PDE6H: variants seen among roughly 807,000 people sequenced by gnomAD.
PDE6H encodes phosphodiesterase 6H.
A neutral mutation model predicts 9.2 loss-of-function variants in PDE6H; 11 were observed. The observed-to-expected ratio is 1.19, with a 90% confidence interval of 0.75 to 1.97. PDE6H has a LOEUF of 1.97. Ranked by LOEUF, PDE6H falls within the 30% of genes most tolerant of loss-of-function variation. The pLI is 0.00. For synonymous variants in PDE6H, 36 were observed against 33.6 expected, an observed-to-expected ratio of 1.07 and a Z score of -0.25; for missense variants, 98 against 101.5, an observed-to-expected ratio of 0.97 and a Z score of 0.15.
chr12:14,976,004 T>G (rs938487105), intron 1 of PDE6H, among the ~76,000 whole-genome samples: 3 of 151,980 alleles, frequency 2.0e-5, no homozygotes, highest in Non-Finnish European at 4.4e-5. Flanking sequence ...GTATTTTTAG[T>G]AGAGATGGGG....
chr12:14,975,744 C>T (rs564623415), intron 1 of PDE6H, among the ~76,000 whole-genome samples: 7 of 151,960 alleles, frequency 4.6e-5, no homozygotes, highest in African/African-American at 1.7e-4. Context: ...CTTCTCTGTG[C>T]TCTGATGGAG....
chr12:14,979,529 C>T (rs1360437545), intron 3 of PDE6H, among the ~76,000 whole-genome samples: 2 of 152,068 alleles, frequency 1.3e-5, no homozygotes, highest in Admixed American at 6.5e-5. Flanking sequence ...ATTCATCTCC[C>T]CAAACTTCAT....
chr12:14,977,923 GT>G, intron 1 of PDE6H, 48 bp from the exon 2 acceptor site: 1 of 1,266,284 alleles, frequency 7.9e-7, no homozygotes, highest in Non-Finnish European at 1.1e-6. Context: ...ATAACCAATG[GT>G]CCCCATGACT....
At chr12:14,975,005 A>T (rs1338507940) in intron 1 of PDE6H, among the ~76,000 whole-genome samples, 2 of 152,216 alleles carry the variant, frequency 1.3e-5, no homozygotes, top group Non-Finnish European at 1.5e-5. Context: ...GATTCATTTT[A>T]TAGATGGAAT....
intron 1 of PDE6H, among the ~76,000 whole-genome samples, chr12:14,973,744 C>T (rs1864552084): frequency 6.6e-6 from 1 of 152,186 alleles, no homozygotes; most frequent in South Asian, 2.1e-4. Context: ...TTCCCAGCTC[C>T]TTCCTGCCTC....
At chr12:14,979,131 T>C (rs764672046) in intron 2 of PDE6H, 48 bp from the exon 3 acceptor site, 6 of 1,342,696 alleles carry the variant, frequency 4.5e-6, no homozygotes, top group Non-Finnish European at 6.4e-6. Flanking sequence ...GACTCCAAAA[T>C]TCTTTTGCTC....
At chr12:14,975,115 C>T (rs1864572188) in intron 1 of PDE6H, among the ~76,000 whole-genome samples, 1 of 152,162 alleles carries the variant, frequency 6.6e-6, no homozygotes, top group South Asian at 2.1e-4. Flanking sequence ...AGAGTGTACT[C>T]TCTACCGTGT....
At chr12:14,977,854 C>T (rs1218143685) in intron 1 of PDE6H, 118 bp from the exon 2 acceptor site, 3 of 687,128 alleles carry the variant, frequency 4.4e-6, no homozygotes, top group Middle Eastern at 4.1e-4. Context: ...TGTGTCAACA[C>T]AAAATACTGA....
rs933666203 is a variant in PDE6H at position 14,976,959 on chromosome 12, A to G, written c.-41-1013A>G. Among the ~76,000 whole-genome samples, 3 of 152,262 alleles carry G rather than the reference A, an allele frequency of 2.0e-5. No individual in the cohort carries two copies. The East Asian group carries it at 5.8e-4, about 29-fold the overall frequency. ...TTGCTTAAATTTATCTTTTTCAATA[A>G]TTTTCTTTGATTTGTATTTGAAGAA... On this transcript the variant is annotated intron_variant, in intron 1 of 3. Coordinates refer to ENST00000266395, the MANE Select transcript of PDE6H (RefSeq NM_006205.3).
In PDE6H at chr12:14,981,399, G is replaced by GATATCACA; in HGVS notation, c.176_183dup (p.Val62IlefsTer4). 1.2e-6 allele frequency: 2 copies of GATATCACA among 1,604,428 alleles called. No homozygotes were observed. The highest frequency in any genetic ancestry group is 2.7e-5 in the African/African-American group (2 of 74,872). On this transcript the variant is annotated frameshift_variant and splice_region_variant. Coordinates refer to ENST00000266395, the MANE Select transcript of PDE6H (RefSeq NM_006205.3). LOFTEE classifies it high-confidence loss of function. Reference sequence around the variant, plus strand: ...ACGTGCTCTTCTTCCATCTCTTGCAGATATCACAGTGATTTGTCCATGGGA... The same window carrying GATATCACA: ...ACGTGCTCTTCTTCCATCTCTTGCAGATATCACAATATCACAGTGATTTGTCCATGGGA...
chr12:14,975,097 G>T (rs1354132120), intron 1 of PDE6H, among the ~76,000 whole-genome samples: 1 of 152,148 alleles, frequency 6.6e-6, no homozygotes, highest in Non-Finnish European at 1.5e-5. Context: ...ATATCAGTTT[G>T]ATTCTAAAGA....
chr12:14,978,302 G>A (rs1263599933), intron 2 of PDE6H, among the ~76,000 whole-genome samples, 156 bp downstream of exon 2: 4 of 152,158 alleles, frequency 2.6e-5, no homozygotes, highest in Non-Finnish European at 5.9e-5. Context: ...TTGATGAATT[G>A]TGTCTTTATC....
intron 3 of PDE6H, among the ~76,000 whole-genome samples, chr12:14,980,935 G>A (rs901409884): frequency 1.3e-5 from 2 of 152,232 alleles, no homozygotes; most frequent in East Asian, 1.9e-4. Flanking sequence ...TTGGATATAG[G>A]CAATTCAAAA....
intron 1 of PDE6H, among the ~76,000 whole-genome samples, chr12:14,974,661 G>A (rs1864565986): frequency 6.6e-6 from 1 of 152,250 alleles, no homozygotes; most frequent in Non-Finnish European, 1.5e-5. Flanking sequence ...TGCTGTTGGG[G>A]TGTCAAAGGA....
chr12:14,974,897 G>T (rs1864569195), intron 1 of PDE6H, among the ~76,000 whole-genome samples: 1 of 152,164 alleles, frequency 6.6e-6, no homozygotes, highest in Admixed American at 6.5e-5. Flanking sequence ...TCTCTCAGAA[G>T]GTCTAGCATA....
In PDE6H at chr12:14,981,784, A is replaced by G; in HGVS notation, c.*308A>G. 2.2e-6 allele frequency: 1 copy of G among 458,112 alleles called. No individual in the cohort carries two copies. The highest frequency in any genetic ancestry group is 4.0e-6 in the Non-Finnish European group (1 of 249,598). 28.4% of individuals were successfully genotyped at this position (458,112 alleles called of 1,614,324 possible). ...AATCTATTTTTGCTAGGCATTCATT[A>G]TGATTAATAGTAGACTTTTAAGACA... On this transcript the variant is annotated 3_prime_UTR_variant, in exon 4 of 4. Transcript: ENST00000266395.
At chr12:14,977,208 G>A (rs1456558259) in intron 1 of PDE6H, among the ~76,000 whole-genome samples, 1 of 152,182 alleles carries the variant, frequency 6.6e-6, no homozygotes, top group Non-Finnish European at 1.5e-5. Flanking sequence ...ATGGGTGTTG[G>A]TATTCCTGCT....
rs965554702 is a variant in PDE6H, at chr12:14,976,055, C to T, written c.-41-1917C>T. Among the ~76,000 whole-genome samples the T allele has an allele frequency of 3.3e-5, 5 of 152,152 alleles. No homozygotes were observed. The South Asian group carries it at 6.2e-4, about 19-fold the overall frequency. On this transcript the variant is annotated intron_variant, in intron 1 of 3. Transcript: ENST00000266395. The stretch of plus-strand genomic sequence containing the variant: ...CAGGATGGTCTTGATCTCCTGACCT[C>T]GTGATCCGCCCGCCTCGGCCTCCCA...
intron 2 of PDE6H, 81 bp downstream of exon 2, chr12:14,978,227 C>T (rs1219115225): frequency 2.3e-6 from 3 of 1,317,582 alleles, no homozygotes; most frequent in African/African-American, 1.5e-5. Context: ...AATTGGTGCT[C>T]ACAATATTAA....
Sources: allele counts gnomAD v4.1 joint callset (sites outside exome capture counted in the v4.1 genomes callset), GRCh38; gene constraint gnomAD v4.1.1; transcripts MANE v1.5; gene names NCBI Gene and HGNC (gene_info 2026-07-23, HGNC 2026-07-21).